Variants in TTC19 observed in about 807,000 individuals in gnomAD.
TTC19 encodes tetratricopeptide repeat protein 19, mitochondrial.
In TTC19, 38 loss-of-function variants were observed where a neutral mutation model predicts 49.5. The ratio of observed to expected loss-of-function variants is 0.77; its 90% confidence interval spans 0.59 to 1.01. The LOEUF (loss-of-function observed/expected upper bound fraction) is 1.01. TTC19 is among the 50% of genes least tolerant of loss of function. The pLI is 0.00. For missense variants in TTC19, 475 were observed against 477.7 expected, an observed-to-expected ratio of 0.99 and a Z score of 0.05; for synonymous variants, 204 against 185.2, an observed-to-expected ratio of 1.10 and a Z score of -0.83.
Position 16,002,818 on chromosome 17 carries a change from G to T in TTC19, c.449G>T (p.Gly150Val). Reference protein sequence around the residue: ...DLMANLAFIRGQLENAEQLFK... With the variant: ...DLMANLAFIRVQLENAEQLFK... The stretch of plus-strand genomic sequence containing the variant: ...ATGGCCAACTTAGCATTTATACGGG[G>T]TCAGCTTGAAAATGTAAGTAAATTG... The change falls in exon 4 of 10, where the codon GGT (glycine) becomes GTT (valine). Residue 150 changes from glycine to valine, a missense_variant. Transcript: ENST00000261647. 1 of 1,614,010 alleles carries T rather than the reference G, an allele frequency of 6.2e-7. No individual in the cohort carries two copies. The highest frequency in any genetic ancestry group is 8.5e-7 in the Non-Finnish European group (1 of 1,179,990).
At position 16,025,136 on chromosome 17, in the gene TTC19, A is replaced by AT; in HGVS notation, c.799dup (p.Ser267PhefsTer2). 6.2e-7 allele frequency: 1 copy of AT among 1,614,052 alleles called. No homozygotes were observed. Among genetic ancestry groups the AT allele is most frequent in the Non-Finnish European group, 8.5e-7 (1 of 1,179,926 alleles). ...AAGGATGTATGAAAAAGCTCTGCAG[A>AT]TTTCTGAAGAAATACAAGGAGAAAG... On this transcript the variant is annotated frameshift_variant, in exon 8 of 10. Transcript: ENST00000261647. LOFTEE classifies it high-confidence loss of function.
At chr17:16,010,691 C>CT (rs1971044859) in intron 7 of TTC19, among the ~76,000 whole-genome samples, 1 of 152,044 alleles carries the variant, frequency 6.6e-6, no homozygotes, top group African/African-American at 2.4e-5. Context: ...CCAGGATGGT[C>CT]TCGATCTCCT....
At chr17:16,001,519 G>A (rs1242676001) in intron 2 of TTC19, among the ~76,000 whole-genome samples, 1 of 152,158 alleles carries the variant, frequency 6.6e-6, no homozygotes, top group African/African-American at 2.4e-5. Flanking sequence ...ATTTAGAGGA[G>A]ACCCCTTATC....
chr17:16,020,131 T>C (rs1206491341), intron 7 of TTC19, among the ~76,000 whole-genome samples: 1 of 152,160 alleles, frequency 6.6e-6, no homozygotes, highest in Non-Finnish European at 1.5e-5. Context: ...AAAAACCAAA[T>C]TGCTGATCAA....
At chr17:16,040,396 G>T in intron 2 of TTC19, 2 of 1,554,704 alleles carry the variant, frequency 1.3e-6, no homozygotes, top group Non-Finnish European at 8.9e-7. Flanking sequence ...ACTGACTACT[G>T]CTGTGCCAAT....
chr17:16,006,588 G>T lies in TTC19; in HGVS notation c.676+20G>T, dbSNP rs376437264. The stretch of plus-strand genomic sequence containing the variant: ...TGTCAGGTAGGAAACCCATTATCTG[G>T]GCATTGCCTTTTCTCCACAAAAGGC... On this transcript the variant is annotated intron_variant, in intron 7 of 9. Transcript: ENST00000261647. The T allele has an allele frequency of 1.1e-5, 16 of 1,460,072 alleles. No individual in the cohort carries two copies. In the African/African-American group the frequency reaches 1.9e-4, roughly 18 times the overall value. The allele number at this position is 1,460,072 out of a possible 1,614,324, so 90.4% of individuals were successfully genotyped here.
rs1450824982 is a variant in TTC19, at chr17:16,027,796, AAGT to A, written c.*277_*279del. On this transcript the variant is annotated 3_prime_UTR_variant, in exon 10 of 10. Transcript: ENST00000261647. ...GACTTGGTGCTGTCCCTGCTGGTCT[AAGT>A]AGAACTGTAGATTCATATGGGCTGG... 3 of 529,916 alleles carry A rather than the reference AAGT, an allele frequency of 5.7e-6. No individual in the cohort carries two copies. Among genetic ancestry groups the A allele is most frequent in the Non-Finnish European group, 1.1e-5 (3 of 275,386 alleles). The allele number at this position is 529,916 out of a possible 1,614,324, so 32.8% of individuals were successfully genotyped here.
In TTC19 at chr17:16,028,818, CA is replaced by C. The variant is rs59177775; in HGVS notation, c.*1324del. 6,550 of 96,014 alleles carry C rather than the reference CA, an allele frequency of 0.068. 14 individuals carry two copies. Among genetic ancestry groups the C allele is most frequent in the African/African-American group, 0.11 (1,391 of 12,308 alleles). The allele number at this position is 96,014 out of a possible 1,614,324, so 5.9% of individuals were successfully genotyped here. ...GTATCCCAGTAATCTTTGCATTTCTCAAAAAAAAAAAAAAAAAAAAAAAAAA... is the reference window on the plus strand; with the variant it reads ...GTATCCCAGTAATCTTTGCATTTCTCAAAAAAAAAAAAAAAAAAAAAAAAA... On this transcript the variant is annotated 3_prime_UTR_variant, in exon 10 of 10. Coordinates refer to ENST00000261647, the MANE Select transcript of TTC19 (RefSeq NM_017775.4).
intron 2 of TTC19, among the ~76,000 whole-genome samples, chr17:16,043,414 A>T (rs2058092151): frequency 6.6e-6 from 1 of 152,202 alleles, no homozygotes; most frequent in African/African-American, 2.4e-5. Flanking sequence ...ATAAAAAAAA[A>T]ATCCCAGACT....
intron 2 of TTC19, among the ~76,000 whole-genome samples, chr17:16,038,584 G>A (rs1408464348): frequency 6.6e-6 from 1 of 151,844 alleles, no homozygotes; most frequent in African/African-American, 2.4e-5. Context: ...ACTACAGCGT[G>A]AGCCACCACA....
At chr17:16,014,636 G>A (rs553524827) in intron 7 of TTC19, among the ~76,000 whole-genome samples, 7 of 152,188 alleles carry the variant, frequency 4.6e-5, no homozygotes, top group Non-Finnish European at 7.3e-5. Context: ...AAGAAAGTAC[G>A]CATTGGAGCA....
chr17:16,013,927 T>G (rs1174903818), intron 7 of TTC19, among the ~76,000 whole-genome samples: 2 of 152,204 alleles, frequency 1.3e-5, no homozygotes, highest in Non-Finnish European at 2.9e-5. Flanking sequence ...GGTTTAACAG[T>G]AAGGACATTT....
chr17:16,022,937 CCAATATATTT>C lies in TTC19; in HGVS notation c.677-2078_677-2069del, dbSNP rs1971429905. 3.9e-5 allele frequency among the ~76,000 whole-genome samples: 6 copies of C among 151,972 alleles called. No homozygotes were observed. In the South Asian group the frequency reaches 1.2e-3, roughly 32 times the overall value. On this transcript the variant is annotated intron_variant, in intron 7 of 9. Transcript: ENST00000261647. ...CTTTAAGGGCTCTGTATAAACGATT[CCAATATATTT>C]CTCAGTTGTTATTAAAGTACTTGAT...
At chr17:16,013,109 C>A (rs562049926) in intron 7 of TTC19, among the ~76,000 whole-genome samples, 124 of 152,114 alleles carry the variant, frequency 8.2e-4, no homozygotes, top group Non-Finnish European at 1.5e-3. Context: ...GAGACTGAGG[C>A]AGGAGGATAA....
chr17:16,010,234 T>A (rs149486467), intron 7 of TTC19, among the ~76,000 whole-genome samples: 6,652 of 141,410 alleles, frequency 0.047, 177 homozygotes, highest in African/African-American at 0.082. Context: ...AGTGCAGTGG[T>A]GCAATCTCGG....
rs752071839 is a variant in TTC19, at chr17:16,025,186, C to T, written c.831+15C>T. 1.5e-5 allele frequency: 24 copies of T among 1,611,740 alleles called. No individual in the cohort carries two copies. The highest frequency in any genetic ancestry group is 1.9e-5 in the Non-Finnish European group (22 of 1,178,754). On this transcript the variant is annotated intron_variant, in intron 8 of 9. Transcript: ENST00000261647. ...GACACCCACAGGTAAGGGAGGAAAA[C>T]ACAGAAGGGGGAATATAAAACAAAG...
intron 4 of TTC19, 133 bp downstream of exon 4, chr17:16,002,964 G>A: frequency 1.1e-6 from 1 of 880,016 alleles, no homozygotes; most frequent in South Asian, 1.4e-5. Context: ...AGATAAAAGT[G>A]TATTTCTCTT....
At chr17:16,023,995 T>C (rs1971464621) in intron 7 of TTC19, 1 of 152,202 alleles carries the variant, frequency 6.6e-6, no homozygotes, top group African/African-American at 2.4e-5. Flanking sequence ...TCTAGTCTTT[T>C]ATTGTGTGAA....
At chr17:16,008,211 C>G (rs73978593) in intron 7 of TTC19, among the ~76,000 whole-genome samples, 24,830 of 152,144 alleles carry the variant, frequency 0.16, 4,550 homozygotes, top group African/African-American at 0.45. Flanking sequence ...CCAACTTGCC[C>G]CCAAATGGCA....
Sources: allele counts gnomAD v4.1 joint callset (sites outside exome capture counted in the v4.1 genomes callset), GRCh38; gene constraint gnomAD v4.1.1; transcripts MANE v1.5; gene names NCBI Gene and HGNC (gene_info 2026-07-23, HGNC 2026-07-21).